RARRES1: variants seen among roughly 807,000 people sequenced by gnomAD.
The protein encoded by RARRES1 is retinoic acid receptor responder protein 1.
RARRES1 carries 34 observed loss-of-function variants against 30.6 expected under a neutral mutation model. The ratio of observed to expected loss-of-function variants is 1.11; its 90% CI spans 0.84 to 1.48. The LOEUF is 1.48. Ranked by LOEUF, RARRES1 falls within the 40% of genes most tolerant of loss-of-function variation. The pLI, the probability that RARRES1 is intolerant of heterozygous loss-of-function variation, is 0.00. For synonymous variants in RARRES1, 153 were observed against 155.5 expected (o/e 0.98, Z 0.12); for missense variants, 373 against 386.5 (o/e 0.97, Z 0.29).
rs759795451 is a variant in RARRES1 at position 158,713,853 on chromosome 3, G to A, written c.283C>T (p.Pro95Ser). 2.5e-6 allele frequency: 4 copies of A among 1,613,522 alleles called. No individual in the cohort carries two copies. The highest frequency in any genetic ancestry group is 3.4e-6 in the Non-Finnish European group (4 of 1,179,486). ...EVQEGRAWIN[P>S]KEGCKVHVVF... The stretch of plus-strand genomic sequence containing the variant: ...ACGTGAACTTTACATCCCTCTTTTG[G>A]ATTAATCTGGAACACAGAAACTGAA... The change falls in exon 2 of 6, where the codon CCA becomes TCA. Residue 95 changes from proline (P) to serine (S), a missense_variant. By Grantham distance (74) the Pro-to-Ser change is moderately conservative (BLOSUM62 -1). Transcript: ENST00000237696.
At chr3:158,711,011 T>C (rs1330892190) in intron 2 of RARRES1, 78 bp from the exon 3 acceptor site, 9 of 1,385,664 alleles carry the variant, frequency 6.5e-6, no homozygotes, top group Non-Finnish European at 7.0e-6. Flanking sequence ...TGAGAAGAGT[T>C]CATTGTACAA....
chr3:158,704,999 A>T, intron 3 of RARRES1, 72 bp from the exon 4 acceptor site: 1 of 1,558,120 alleles, frequency 6.4e-7, no homozygotes, highest in Non-Finnish European at 8.6e-7. Flanking sequence ...TGCAGAAATG[A>T]AATAGGGTTT....
rs149789024 is a variant in RARRES1, at chr3:158,730,251, C to T, written c.276+1889G>A. On this transcript the variant is annotated intron_variant, in intron 1 of 5. Coordinates refer to ENST00000237696, the MANE Select transcript of RARRES1 (RefSeq NM_206963.2). ...AGGAGAATCGCTTGAACCTGGTAGG[C>T]GGAGGTTGCAGTAAGCCGAGATCGC... Among the ~76,000 whole-genome samples the T allele has an allele frequency of 3.8e-3, 540 of 142,676 alleles. 3 individuals carry two copies. Among genetic ancestry groups the T allele is most frequent in the African/African-American group, 0.013 (503 of 38,472 alleles). The allele number at this position is 142,676 out of a possible 152,430, so 93.6% of individuals were successfully genotyped here. A position where few individuals can be genotyped will look rare whatever the true frequency, so the allele number is the denominator to read the frequency against.
intron 4 of RARRES1, 136 bp downstream of exon 4, chr3:158,704,655 A>G: frequency 7.4e-7 from 1 of 1,346,278 alleles, no homozygotes; most frequent in Non-Finnish European, 9.8e-7. Flanking sequence ...GGCCCATTGC[A>G]GGAACTCACA....
At chr3:158,707,037 C>T (rs1726946637) in intron 3 of RARRES1, among the ~76,000 whole-genome samples, 1 of 152,122 alleles carries the variant, frequency 6.6e-6, no homozygotes, top group South Asian at 2.1e-4. Context: ...GGTGTGGTGG[C>T]ACACGCCTGT....
intron 1 of RARRES1, 92 bp downstream of exon 1, chr3:158,732,048 T>G: frequency 8.4e-7 from 1 of 1,184,454 alleles, no homozygotes; most frequent in South Asian, 2.8e-5. Context: ...GGACCATCCG[T>G]TGGGCCGGCA....
At chr3:158,704,989 T>G (rs1726868987) in intron 3 of RARRES1, 62 bp from the exon 4 acceptor site, 5 of 1,569,940 alleles carry the variant, frequency 3.2e-6, no homozygotes, top group Non-Finnish European at 4.3e-6. Flanking sequence ...TCTCAGAAGT[T>G]GCAGAAATGA....
chr3:158,701,645 T>C (rs1031906058), intron 4 of RARRES1, among the ~76,000 whole-genome samples: 1 of 152,228 alleles, frequency 6.6e-6, no homozygotes, highest in Non-Finnish European at 1.5e-5. Flanking sequence ...CTTCTGCTCA[T>C]AGTGTCTTTT....
intron 1 of RARRES1, among the ~76,000 whole-genome samples, chr3:158,718,119 C>T (rs1727384538): frequency 6.6e-6 from 1 of 151,998 alleles, no homozygotes; most frequent in African/African-American, 2.4e-5. Flanking sequence ...GCTGGGACTA[C>T]AGGCACATGC....
At chr3:158,726,019 T>C (rs1410171562) in intron 1 of RARRES1, among the ~76,000 whole-genome samples, 1 of 152,250 alleles carries the variant, frequency 6.6e-6, no homozygotes, top group Non-Finnish European at 1.5e-5. Context: ...TCCCCCTCCC[T>C]GCTGTTCTTT....
Position 158,697,640 on chromosome 3 carries a change from C to A in RARRES1, c.*38G>T. Reference sequence around the variant, plus strand: ...GAAGAATGATTTATGCTAGTATAGTCACTTGTTTAGAAGTCGGAAAAAGAT... The same window carrying A: ...GAAGAATGATTTATGCTAGTATAGTAACTTGTTTAGAAGTCGGAAAAAGAT... On this transcript the variant is annotated 3_prime_UTR_variant, in exon 6 of 6. Transcript: ENST00000237696. 6.4e-7 allele frequency: 1 copy of A among 1,554,412 alleles called. No homozygotes were observed. The highest frequency in any genetic ancestry group is 1.1e-5 in the South Asian group (1 of 87,854).
intron 3 of RARRES1, among the ~76,000 whole-genome samples, chr3:158,708,366 G>A (rs1377860030): frequency 1.3e-5 from 2 of 152,160 alleles, no homozygotes; most frequent in African/African-American, 4.8e-5. Flanking sequence ...TGAATAGTAA[G>A]AACATTTGAA....
In RARRES1 at chr3:158,710,933, A is replaced by G; in HGVS notation, c.340T>C (p.Ser114Pro). 1.2e-6 allele frequency: 2 copies of G among 1,612,986 alleles called. No homozygotes were observed. The highest frequency in any genetic ancestry group is 1.1e-5 in the South Asian group (1 of 91,066). The stretch of plus-strand genomic sequence containing the variant: ...CGTCCCTCACCTTCCTGAAGTAAAG[A>G]CTGTGGAGTTAAACAGGATACTTTA... ...VFSTERYNPE[S>P]LLQEGEGRLG... The change falls in exon 3 of 6, where the codon TCT becomes CCT. Residue 114 changes from serine (S) to proline (P), a missense_variant and splice_region_variant. By Grantham distance (74) the Ser-to-Pro change is moderately conservative. Transcript: ENST00000237696.
At chr3:158,703,928 A>G (rs1247150943) in intron 4 of RARRES1, among the ~76,000 whole-genome samples, 1 of 152,138 alleles carries the variant, frequency 6.6e-6, no homozygotes, top group African/African-American at 2.4e-5. Flanking sequence ...GATTATACAA[A>G]TTCTCTGTTT....
chr3:158,718,821 A>C (rs115968805), intron 1 of RARRES1, among the ~76,000 whole-genome samples: 1,549 of 152,340 alleles, frequency 0.01, 37 homozygotes, highest in African/African-American at 0.035. Flanking sequence ...CTACAGCCAC[A>C]TGGTGTAAAG....
chr3:158,731,355 CA>C (rs1434360527), intron 1 of RARRES1, among the ~76,000 whole-genome samples: 1 of 152,212 alleles, frequency 6.6e-6, no homozygotes, highest in East Asian at 1.9e-4. Flanking sequence ...GTAGAAGGAG[CA>C]ACTTTGCTTT....
intron 1 of RARRES1, among the ~76,000 whole-genome samples, chr3:158,722,054 T>C (rs1021619139): frequency 1.6e-5 from 2 of 127,982 alleles, no homozygotes; most frequent in African/African-American, 3.0e-5. Context: ...ATGGCATAAT[T>C]GCACTCCAGC....
chr3:158,722,881 C>CAAA (rs140630533), intron 1 of RARRES1, among the ~76,000 whole-genome samples: 1,568 of 110,006 alleles, frequency 0.014, 19 homozygotes, highest in Non-Finnish European at 0.017. Flanking sequence ...GACTCCATCT[C>CAAA]AAAAAAAAAA....
chr3:158,719,278 T>TC (rs1256813107), intron 1 of RARRES1, among the ~76,000 whole-genome samples: 12 of 150,160 alleles, frequency 8.0e-5, no homozygotes, highest in Admixed American at 7.9e-4. Context: ...AATTTTTTTT[T>TC]TTTTTTTTTT....
Sources: allele counts gnomAD v4.1 joint callset (sites outside exome capture counted in the v4.1 genomes callset), GRCh38; gene constraint gnomAD v4.1.1; transcripts MANE v1.5; gene names NCBI Gene and HGNC (gene_info 2026-07-23, HGNC 2026-07-21).